Variants in TMEM117 observed in about 807,000 individuals in gnomAD.
The protein encoded by TMEM117 is transmembrane protein 117.
TMEM117 carries 27 observed loss-of-function variants against 52.4 expected under a neutral mutation model. The observed-to-expected ratio is 0.51, with a 90% CI of 0.38 to 0.71. The LOEUF is 0.71. TMEM117 is among the 30% of genes least tolerant of loss of function. TMEM117 has a pLI of 0.00. For missense variants in TMEM117, 556 were observed against 630.5 expected (o/e 0.88, Z 1.26); for synonymous variants, 215 against 206.3 (o/e 1.04, Z -0.36).
intron 2 of TMEM117, among the ~76,000 whole-genome samples, chr12:43,941,543 G>A (rs1195203111): frequency 6.6e-6 from 1 of 152,186 alleles, no homozygotes; most frequent in Non-Finnish European, 1.5e-5. Flanking sequence ...TGATTACATT[G>A]CATGGGAGAA....
At chr12:44,167,838 T>C (rs1948989828) in intron 4 of TMEM117, among the ~76,000 whole-genome samples, 1 of 152,152 alleles carries the variant, frequency 6.6e-6, no homozygotes, top group Admixed American at 6.5e-5. Context: ...ATAGTGCAGC[T>C]CTAGTGTGTA....
At chr12:43,939,229 A>G (rs1945005260) in intron 2 of TMEM117, among the ~76,000 whole-genome samples, 1 of 152,030 alleles carries the variant, frequency 6.6e-6, no homozygotes, top group African/African-American at 2.4e-5. Flanking sequence ...TGCAGATTCT[A>G]TTTGTTTCTT....
At chr12:44,010,527 CGTCT>C (rs143248767) in intron 3 of TMEM117, among the ~76,000 whole-genome samples, 8,559 of 152,116 alleles carry the variant, frequency 0.056, 351 homozygotes, top group Middle Eastern at 0.11. Flanking sequence ...CCTCGGTCGA[CGTCT>C]GTCTATTTTC....
intron 4 of TMEM117, among the ~76,000 whole-genome samples, chr12:44,189,720 C>T (rs181920864): frequency 1.8e-4 from 28 of 152,296 alleles, no homozygotes; most frequent in African/African-American, 5.5e-4. Context: ...TATTGCCATT[C>T]CTCAGTACTT....
At chr12:44,070,083 G>A (rs1184385825) in intron 3 of TMEM117, among the ~76,000 whole-genome samples, 1 of 152,122 alleles carries the variant, frequency 6.6e-6, no homozygotes, top group Non-Finnish European at 1.5e-5. Flanking sequence ...TAGAGATAGG[G>A]TCTTGCCATG....
chr12:44,375,365 ACTT>A (rs761746878), intron 6 of TMEM117, among the ~76,000 whole-genome samples: 21 of 152,140 alleles, frequency 1.4e-4, no homozygotes, highest in Non-Finnish European at 2.5e-4. Context: ...GTTCTGTTTT[ACTT>A]CTTGTATATT....
chr12:43,912,017 A>G (rs1944512243), intron 2 of TMEM117, among the ~76,000 whole-genome samples: 1 of 103,216 alleles, frequency 9.7e-6, no homozygotes, highest in Non-Finnish European at 2.2e-5. Context: ...AAAGGACTAT[A>G]AATCATGCTG....
At chr12:44,054,696 G>T (rs1947024755) in intron 3 of TMEM117, among the ~76,000 whole-genome samples, 1 of 136,342 alleles carries the variant, frequency 7.3e-6, no homozygotes, top group Non-Finnish European at 1.5e-5. Context: ...GATACCAATA[G>T]GATTATTTTT....
At chr12:44,111,816 C>G (rs1420105485) in intron 3 of TMEM117, among the ~76,000 whole-genome samples, 4 of 137,510 alleles carry the variant, frequency 2.9e-5, no homozygotes, top group Non-Finnish European at 6.1e-5. Flanking sequence ...GTGTTAAAGT[C>G]TCCCATTATT....
intron 2 of TMEM117, among the ~76,000 whole-genome samples, chr12:43,865,469 G>A (rs1020659838): frequency 6.6e-6 from 1 of 152,102 alleles, no homozygotes; most frequent in Non-Finnish European, 1.5e-5. Flanking sequence ...GGCCAAGGTG[G>A]GTGGATCACT....
chr12:44,311,699 A>G (rs1184352633), intron 6 of TMEM117, among the ~76,000 whole-genome samples: 1 of 147,790 alleles, frequency 6.8e-6, no homozygotes, highest in Non-Finnish European at 1.5e-5. Context: ...TTCCCAATAA[A>G]TTTTCAGTTA....
At chr12:44,318,836 C>T (rs1951092903) in intron 6 of TMEM117, among the ~76,000 whole-genome samples, 1 of 151,948 alleles carries the variant, frequency 6.6e-6, no homozygotes, top group Non-Finnish European at 1.5e-5. Context: ...GATGCAAATT[C>T]ATGTAAGTGG....
chr12:43,913,396 G>A lies in TMEM117; in HGVS notation c.278-30814G>A, dbSNP rs183660114. Among the ~76,000 whole-genome samples, 329 of 152,212 alleles carry A rather than the reference G, an allele frequency of 2.2e-3. 2 individuals are homozygous for A. The highest frequency in any genetic ancestry group is 7.3e-3 in the African/African-American group (302 of 41,530). On this transcript the variant is annotated intron_variant, in intron 2 of 7. Transcript: ENST00000266534. Reference sequence around the variant, plus strand: ...ATAATCATATTTTGAACTTCTTACTGTATATATATTCATATAGATTAATAA... The same window carrying A: ...ATAATCATATTTTGAACTTCTTACTATATATATATTCATATAGATTAATAA...
At position 43,987,403 on chromosome 12, in the gene TMEM117, AT is replaced by A. The variant is rs1481009503; in HGVS notation, c.410+43067del. Among the ~76,000 whole-genome samples the A allele has an allele frequency of 2.0e-5, 3 of 152,060 alleles. No homozygotes were observed. The South Asian group carries it at 6.2e-4, about 32-fold the overall frequency. On this transcript the variant is annotated intron_variant, in intron 3 of 7. Coordinates refer to ENST00000266534, the MANE Select transcript of TMEM117 (RefSeq NM_032256.3). ...GTGATTTTTTAATGTGACTTTTATC[AT>A]TTTTTGATGTCTTTAATTCTGTTTA...
chr12:44,113,857 G>C lies in TMEM117; in HGVS notation c.411-29668G>C, dbSNP rs543171983. On this transcript the variant is annotated intron_variant, in intron 3 of 7. Coordinates refer to ENST00000266534, the MANE Select transcript of TMEM117 (RefSeq NM_032256.3). Reference sequence around the variant, plus strand: ...TCAGACTGCTGTGCTAGCAATCAGCGAGATTCCGTGGGCGTAGGACCCTCT... The same window carrying C: ...TCAGACTGCTGTGCTAGCAATCAGCCAGATTCCGTGGGCGTAGGACCCTCT... Among the ~76,000 whole-genome samples the C allele has an allele frequency of 6.7e-3, 378 of 56,634 alleles. 5 individuals are homozygous for C. The highest frequency in any genetic ancestry group is 0.046 in the South Asian group (68 of 1,486). 37.2% of individuals were successfully genotyped at this position (56,634 alleles called of 152,430 possible).
chr12:44,192,240 C>T (rs766265150), intron 4 of TMEM117, among the ~76,000 whole-genome samples: 1 of 152,178 alleles, frequency 6.6e-6, no homozygotes, highest in Non-Finnish European at 1.5e-5. Context: ...CAGTGGTCCA[C>T]TCCCAGAACC....
chr12:44,241,268 C>T (rs984002319), intron 5 of TMEM117, among the ~76,000 whole-genome samples: 1 of 150,528 alleles, frequency 6.6e-6, no homozygotes, highest in Non-Finnish European at 1.5e-5. Context: ...TTAATTGTAT[C>T]CACAGATGTG....
chr12:43,842,013 G>T (rs1943123493), intron 1 of TMEM117, among the ~76,000 whole-genome samples: 3 of 152,104 alleles, frequency 2.0e-5, no homozygotes, highest in Non-Finnish European at 4.4e-5. Context: ...GTTCTGATGG[G>T]CATATGGGAA....
At chr12:44,247,320 T>C (rs1263159651) in intron 5 of TMEM117, among the ~76,000 whole-genome samples, 1 of 152,218 alleles carries the variant, frequency 6.6e-6, no homozygotes, top group Admixed American at 6.5e-5. Context: ...GATTAAATTA[T>C]GGAAAAATTT....
Sources: gnomAD v4.1 joint callset for allele counts (sites outside exome capture counted in the v4.1 genomes callset) on GRCh38, gnomAD v4.1.1 for gene constraint, MANE v1.5 for transcripts, NCBI Gene and HGNC (gene_info 2026-07-23, HGNC 2026-07-21) for gene names.